CAMTA1: variants seen among roughly 807,000 people sequenced by gnomAD.
The protein encoded by CAMTA1 is calmodulin-binding transcription activator 1.
CAMTA1 carries 27 observed loss-of-function variants against 170.9 expected under a neutral mutation model. The observed-to-expected ratio is 0.16, with a 90% CI of 0.12 to 0.22. The LOEUF (loss-of-function observed/expected upper bound fraction) is 0.22. Among genes scored for constraint, CAMTA1 ranks in the 10% least tolerant of loss-of-function variants. The pLI is 1.00. For synonymous variants in CAMTA1, 833 were observed against 891.5 expected, an observed-to-expected ratio of 0.93 and a Z score of 1.17; for missense variants, 1,619 against 2,217.2, an observed-to-expected ratio of 0.73 and a Z score of 5.42.
At position 7,127,247 on chromosome 1, in the gene CAMTA1, CTTTT is replaced by C. The variant is rs61211407; in HGVS notation, c.302+35896_302+35899del. On this transcript the variant is annotated intron_variant, in intron 4 of 22. Transcript: ENST00000303635. The stretch of plus-strand genomic sequence containing the variant: ...AGGGGTGAAGGGAAGGCCAGAGGGG[CTTTT>C]TTTTTTTTTTTTTTTTTTTGCTAGC... 9.7e-3 allele frequency among the ~76,000 whole-genome samples: 713 copies of C among 73,488 alleles called. 7 individuals are homozygous for C. The highest frequency in any genetic ancestry group is 0.032 in the Middle Eastern group (2 of 62). The allele number at this position is 73,488 out of a possible 152,430, so 48.2% of individuals were successfully genotyped here. A position where few individuals can be genotyped will look rare whatever the true frequency, so the allele number is the denominator to read the frequency against.
intron 6 of CAMTA1, among the ~76,000 whole-genome samples, chr1:7,579,581 A>ATTTT (rs2095240899): frequency 1.3e-5 from 1 of 76,780 alleles, no homozygotes; most frequent in African/African-American, 7.2e-5. Context: ...TTTTTTTGAG[A>ATTTT]TAGAGTCTCA....
intron 3 of CAMTA1, among the ~76,000 whole-genome samples, chr1:6,898,677 G>A (rs976201493): frequency 2.0e-5 from 3 of 152,206 alleles, no homozygotes; most frequent in Non-Finnish European, 4.4e-5. Context: ...TTGGTGCTTC[G>A]TGATGGTACA....
intron 11 of CAMTA1, among the ~76,000 whole-genome samples, chr1:7,720,899 T>G (rs536270848): frequency 6.6e-6 from 1 of 152,322 alleles, no homozygotes; most frequent in South Asian, 2.1e-4. Flanking sequence ...TTGGATCACT[T>G]TGACCATCCT....
intron 3 of CAMTA1, among the ~76,000 whole-genome samples, chr1:6,967,773 A>G (rs1290258659): frequency 6.6e-6 from 1 of 152,202 alleles, no homozygotes; most frequent in African/African-American, 2.4e-5. Context: ...GTGATATTGG[A>G]GGAGGCACAG....
chr1:6,953,891 A>G (rs1688980600), intron 3 of CAMTA1, among the ~76,000 whole-genome samples: 2 of 151,960 alleles, frequency 1.3e-5, no homozygotes. Context: ...CCTCTGTGGG[A>G]GAAGCCGCAG....
intron 6 of CAMTA1, among the ~76,000 whole-genome samples, chr1:7,529,187 T>C (rs942682548): frequency 1.2e-4 from 18 of 152,162 alleles, no homozygotes; most frequent in African/African-American, 4.1e-4. Context: ...AAGTCCAGGA[T>C]AGCTCTTGGA....
At chr1:6,798,647 A>G (rs1363920461) in intron 1 of CAMTA1, among the ~76,000 whole-genome samples, 1 of 96,074 alleles carries the variant, frequency 1.0e-5, no homozygotes, top group Non-Finnish European at 2.0e-5. Flanking sequence ...CGGACTGCGG[A>G]CTGCAGTGGC....
intron 18 of CAMTA1, 31 bp downstream of exon 18, chr1:7,746,122 C>G: frequency 6.2e-7 from 1 of 1,605,486 alleles, no homozygotes; most frequent in Non-Finnish European, 8.5e-7. Flanking sequence ...CGTTTTGTGA[C>G]ATTCTTAAGA....
intron 3 of CAMTA1, among the ~76,000 whole-genome samples, chr1:6,849,877 A>G (rs1357749598): frequency 6.6e-6 from 1 of 151,888 alleles, no homozygotes; most frequent in Non-Finnish European, 1.5e-5. Flanking sequence ...TCTACTAAAA[A>G]TACAAAAATT....
intron 3 of CAMTA1, among the ~76,000 whole-genome samples, chr1:7,037,925 T>A (rs76462603): frequency 0.14 from 21,276 of 151,368 alleles, 2,071 homozygotes; most frequent in African/African-American, 0.27. Context: ...TTATTTTTTT[T>A]TTTTTTGCCA....
In CAMTA1 at chr1:7,224,090, A is replaced by G. The variant is rs919094309; in HGVS notation, c.303-25401A>G. Among the ~76,000 whole-genome samples the G allele has an allele frequency of 1.3e-5, 2 of 152,204 alleles. No homozygotes were observed. Among genetic ancestry groups the G allele is most frequent in the African/African-American group, 2.4e-5 (1 of 41,452 alleles). ...ATGAACCCACATGACATGCAGTTGT[A>G]TAAAGGATGGGGCACCTTAACGTTT... is the stretch of plus-strand genomic sequence containing the variant. On this transcript the variant is annotated intron_variant, in intron 4 of 22. Transcript: ENST00000303635. The surrounding 1 kb of genome is among the most constrained non-coding windows in gnomAD (Gnocchi z 5.2).
intron 4 of CAMTA1, among the ~76,000 whole-genome samples, chr1:7,239,592 A>G (rs1407087623): frequency 6.6e-6 from 1 of 151,078 alleles, no homozygotes; most frequent in Non-Finnish European, 1.5e-5. Flanking sequence ...CAGATTGTAG[A>G]AAGTGGAGGT....
chr1:7,074,571 T>C (rs904627652), intron 3 of CAMTA1, among the ~76,000 whole-genome samples: 1 of 152,236 alleles, frequency 6.6e-6, no homozygotes, highest in Non-Finnish European at 1.5e-5. Context: ...GTATCTTGCT[T>C]TTTCTCCTCA....
rs765324340 is a variant in CAMTA1 at position 7,146,195 on chromosome 1, G to A, written c.302+54824G>A. 2.0e-5 allele frequency among the ~76,000 whole-genome samples: 3 copies of A among 151,996 alleles called. No homozygotes were observed. The highest frequency in any genetic ancestry group is 3.9e-4 in the East Asian group (2 of 5,134). The stretch of plus-strand genomic sequence containing the variant: ...GCAGCTGCTTATTCCAGAAATTGCC[G>A]TGGGCCTGCAATCCTGCTTGCAACA... On this transcript the variant is annotated intron_variant, in intron 4 of 22. Transcript: ENST00000303635. The surrounding 1 kb of genome is among the most constrained non-coding windows in gnomAD (Gnocchi z 4.3).
intron 22 of CAMTA1, among the ~76,000 whole-genome samples, chr1:7,762,663 G>C (rs41402249): frequency 0.14 from 20,558 of 152,148 alleles, 1,657 homozygotes; most frequent in South Asian, 0.26. Flanking sequence ...TCAGAGGTAA[G>C]TTAACATCTA....
At chr1:7,288,770 G>A (rs774481011) in intron 5 of CAMTA1, among the ~76,000 whole-genome samples, 2 of 152,242 alleles carry the variant, frequency 1.3e-5, no homozygotes, top group African/African-American at 2.4e-5. Flanking sequence ...GGAGCAGAGA[G>A]CAGTGAGAGG....
At chr1:7,354,870 C>G (rs761322501) in intron 5 of CAMTA1, among the ~76,000 whole-genome samples, 7 of 152,124 alleles carry the variant, frequency 4.6e-5, no homozygotes, top group Non-Finnish European at 8.8e-5. Flanking sequence ...GTCTTCTGAA[C>G]TCTTTCTAAA....
intron 7 of CAMTA1, among the ~76,000 whole-genome samples, chr1:7,657,667 T>C (rs2095916258): frequency 1.3e-5 from 2 of 152,202 alleles, no homozygotes. Context: ...TCATTCCGTG[T>C]TGGGAAGCAG....
intron 3 of CAMTA1, among the ~76,000 whole-genome samples, chr1:6,997,646 C>CCTT (rs934177492): frequency 7.3e-6 from 1 of 137,244 alleles, no homozygotes; most frequent in Non-Finnish European, 1.6e-5. Flanking sequence ...TTCCATATTT[C>CCTT]CTTTCTTTTC....
Sources: gnomAD v4.1 joint callset for allele counts (sites outside exome capture counted in the v4.1 genomes callset) on GRCh38, gnomAD v4.1.1 for gene constraint, Gnocchi (gnomAD v3.1) non-coding constraint, MANE v1.5 for transcripts, NCBI Gene and HGNC (gene_info 2026-07-23, HGNC 2026-07-21) for gene names.